Variants in SH3PXD2A observed in about 807,000 individuals in gnomAD.
The protein encoded by SH3PXD2A is SH3 and PX domain-containing protein 2A.
In SH3PXD2A, 32 loss-of-function variants were observed where a neutral mutation model predicts 115.2. The observed-to-expected ratio is 0.28, with a 90% CI of 0.21 to 0.37. SH3PXD2A has a LOEUF of 0.37. Ranked by LOEUF, SH3PXD2A falls within the 10% of genes least tolerant of loss-of-function variation. The pLI, the probability that SH3PXD2A is intolerant of heterozygous loss-of-function variation, is 1.00. For missense variants in SH3PXD2A, 1,328 were observed against 1,498.7 expected (o/e 0.89, Z 1.88); for synonymous variants, 610 against 629.1 (o/e 0.97, Z 0.45).
chr10:103,644,994 T>G (rs2037014586), intron 8 of SH3PXD2A, among the ~76,000 whole-genome samples: 1 of 152,178 alleles, frequency 6.6e-6, no homozygotes, highest in Admixed American at 6.5e-5. Context: ...CCAAATGTGT[T>G]GATGTCTTTG....
intron 1 of SH3PXD2A, among the ~76,000 whole-genome samples, chr10:103,843,418 A>T (rs1424744999): frequency 6.7e-6 from 1 of 148,930 alleles, no homozygotes; most frequent in African/African-American, 2.5e-5. Flanking sequence ...GCTCCCTACC[A>T]CAGTGCCATG....
intron 5 of SH3PXD2A, among the ~76,000 whole-genome samples, chr10:103,719,772 T>C (rs1031420167): frequency 2.2e-5 from 3 of 139,332 alleles, no homozygotes; most frequent in East Asian, 2.1e-4. Flanking sequence ...CCAGCTGGAG[T>C]GCAGTGGTGC....
chr10:103,757,202 T>C (rs1447527196), intron 3 of SH3PXD2A, among the ~76,000 whole-genome samples: 1 of 151,752 alleles, frequency 6.6e-6, no homozygotes, highest in African/African-American at 2.4e-5. Context: ...AGGACAGGAG[T>C]GTCACCGAGC....
intron 2 of SH3PXD2A, among the ~76,000 whole-genome samples, chr10:103,792,228 G>C (rs1439671157): frequency 1.3e-5 from 2 of 152,204 alleles, no homozygotes; most frequent in Non-Finnish European, 2.9e-5. Context: ...AAAAAACAAT[G>C]TTTTCCTAAC....
At chr10:103,608,083 C>T (rs2036354459) in intron 13 of SH3PXD2A, among the ~76,000 whole-genome samples, 1 of 145,890 alleles carries the variant, frequency 6.9e-6, no homozygotes, top group South Asian at 2.2e-4. Context: ...TGCTGACCTT[C>T]CCTCCACTAT....
rs2036716166 is a variant in SH3PXD2A, at chr10:103,627,526, C to T, written c.605-324G>A. On this transcript the variant is annotated intron_variant, in intron 8 of 14. Coordinates refer to ENST00000369774, the MANE Select transcript of SH3PXD2A (RefSeq NM_001394015.1). The surrounding 1 kb of genome is among the most constrained non-coding windows in gnomAD (Gnocchi z 4.4). ...CTTGCAGGAAAGGCCAAGGGAGCTCCGGCCATACAGAGAGACCATTTATGG... is the reference window on the plus strand; with the variant it reads ...CTTGCAGGAAAGGCCAAGGGAGCTCTGGCCATACAGAGAGACCATTTATGG... 1.3e-5 allele frequency among the ~76,000 whole-genome samples: 2 copies of T among 152,146 alleles called. No individual in the cohort carries two copies. The highest frequency in any genetic ancestry group is 2.9e-5 in the Non-Finnish European group (2 of 68,028).
chr10:103,748,895 T>C (rs745696517), intron 3 of SH3PXD2A, among the ~76,000 whole-genome samples: 43 of 152,228 alleles, frequency 2.8e-4, no homozygotes, highest in Admixed American at 7.2e-4. Context: ...AGGACCATAA[T>C]GTTCACGGTG....
At position 103,784,185 on chromosome 10, in the gene SH3PXD2A, C is replaced by T. The variant is rs1424502579; in HGVS notation, c.154-17016G>A. Among the ~76,000 whole-genome samples, 2 of 152,216 alleles carry T rather than the reference C, an allele frequency of 1.3e-5. No homozygotes were observed. Among genetic ancestry groups the T allele is most frequent in the Non-Finnish European group, 2.9e-5 (2 of 68,020 alleles). ...GAAGATGCTGGCTGCTCGGGGGTTG[C>T]TGGGGCACCTGTGTGCAGGCCTGCC... On this transcript the variant is annotated intron_variant, in intron 2 of 14. Transcript: ENST00000369774. The surrounding 1 kb of genome is among the most constrained non-coding windows in gnomAD (Gnocchi z 4.4).
intron 7 of SH3PXD2A, among the ~76,000 whole-genome samples, chr10:103,662,761 C>T (rs1334244316): frequency 6.6e-6 from 1 of 152,096 alleles, no homozygotes; most frequent in Non-Finnish European, 1.5e-5. Flanking sequence ...TAGTCACCTC[C>T]TACAGGAAGC....
chr10:103,664,815 C>T (rs2037362896), intron 7 of SH3PXD2A, among the ~76,000 whole-genome samples: 1 of 152,054 alleles, frequency 6.6e-6, no homozygotes, highest in South Asian at 2.1e-4. Context: ...TACAGGTGCC[C>T]ACCACCATAC....
At chr10:103,848,655 T>C (rs1842869561) in intron 1 of SH3PXD2A, among the ~76,000 whole-genome samples, 1 of 152,118 alleles carries the variant, frequency 6.6e-6, no homozygotes. Context: ...TTCTCTTTCT[T>C]GGAATGCCCT....
At chr10:103,605,197 G>A (rs1047599481) in intron 14 of SH3PXD2A, among the ~76,000 whole-genome samples, 1 of 152,182 alleles carries the variant, frequency 6.6e-6, no homozygotes. Context: ...GGTGAGAGAA[G>A]TGACTGCATC....
chr10:103,704,540 A>G (rs1333526776), intron 5 of SH3PXD2A, among the ~76,000 whole-genome samples: 2 of 152,184 alleles, frequency 1.3e-5, no homozygotes, highest in African/African-American at 4.8e-5. Flanking sequence ...GTCTCCCCAG[A>G]GGCGACAGGA....
chr10:103,635,361 T>G (rs2036848145), intron 8 of SH3PXD2A, among the ~76,000 whole-genome samples: 1 of 152,170 alleles, frequency 6.6e-6, no homozygotes, highest in Non-Finnish European at 1.5e-5. Context: ...CCAAGGGGCC[T>G]GGGCTGGCTA....
At chr10:103,777,459 C>T (rs995884747) in intron 2 of SH3PXD2A, among the ~76,000 whole-genome samples, 1 of 152,278 alleles carries the variant, frequency 6.6e-6, no homozygotes, top group Non-Finnish European at 1.5e-5. Context: ...GGGGAGGAGG[C>T]CTCTGGCTTT....
intron 1 of SH3PXD2A, among the ~76,000 whole-genome samples, chr10:103,827,053 G>T (rs1024255038): frequency 6.6e-6 from 1 of 152,108 alleles, no homozygotes; most frequent in East Asian, 1.9e-4. Flanking sequence ...GTCCCCAGGC[G>T]AATCTGTCAT....
At chr10:103,724,433 C>G in intron 4 of SH3PXD2A, 72 bp from the exon 5 acceptor site, 2 of 833,162 alleles carry the variant, frequency 2.4e-6, no homozygotes, top group Non-Finnish European at 3.8e-6. Flanking sequence ...ACAGTGTCAC[C>G]TTACACCAAC....
chr10:103,656,793 A>T (rs2037218561), intron 8 of SH3PXD2A, among the ~76,000 whole-genome samples: 1 of 144,890 alleles, frequency 6.9e-6, no homozygotes, highest in Admixed American at 7.3e-5. Flanking sequence ...ATGCCACTGC[A>T]CTCCAGCCTG....
At position 103,605,777 on chromosome 10, in the gene SH3PXD2A, GC is replaced by G. The variant is rs774186190; in HGVS notation, c.1428+20del. ...CCACCACAATGAGTTAAAACCCTCG[GC>G]CTCATGGCCCAAGGCTTACCTCTGC... On this transcript the variant is annotated intron_variant, in intron 14 of 14. Coordinates refer to ENST00000369774, the MANE Select transcript of SH3PXD2A (RefSeq NM_001394015.1). The G allele has an allele frequency of 3.0e-5, 48 of 1,613,910 alleles. No individual in the cohort carries two copies. Among genetic ancestry groups the G allele is most frequent in the Non-Finnish European group, 3.7e-5 (44 of 1,179,922 alleles).
Sources: allele counts gnomAD v4.1 joint callset (sites outside exome capture counted in the v4.1 genomes callset), GRCh38; gene constraint gnomAD v4.1.1; non-coding constraint Gnocchi (gnomAD v3.1); transcripts MANE v1.5; gene names NCBI Gene and HGNC (gene_info 2026-07-23, HGNC 2026-07-21).